PDE4D: variants seen among roughly 807,000 people sequenced by gnomAD.
PDE4D encodes the protein phosphodiesterase 4D.
Under a neutral mutation model 87.4 loss-of-function variants are expected in PDE4D, and 24 were observed. The ratio of observed to expected loss-of-function variants is 0.27; its 90% confidence interval spans 0.20 to 0.39. The LOEUF (loss-of-function observed/expected upper bound fraction) is 0.39, where lower values mean the gene tolerates loss of function less well. Ranked by LOEUF, PDE4D falls within the 10% of genes least tolerant of loss-of-function variation. The pLI, the probability that PDE4D is intolerant of heterozygous loss-of-function variation, is 1.00. For missense variants in PDE4D, 714 were observed against 1,041.0 expected, an observed-to-expected ratio of 0.69 and a Z score of 4.32; for synonymous variants, 384 against 383.2, an observed-to-expected ratio of 1.00 and a Z score of -0.02.
chr5:60,002,899 CA>C (rs561420719), intron 2 of PDE4D, among the ~76,000 whole-genome samples: 120 of 152,058 alleles, frequency 7.9e-4, no homozygotes, highest in African/African-American at 2.7e-3. Flanking sequence ...CATTTGTGTT[CA>C]ACACAGTAAT....
At chr5:59,625,847 G>A (rs1226586067) in intron 1 of PDE4D, among the ~76,000 whole-genome samples, 2 of 152,224 alleles carry the variant, frequency 1.3e-5, no homozygotes, top group African/African-American at 4.8e-5. Context: ...TTGGGAGGCT[G>A]AGGCGGGCGG....
At chr5:60,334,580 C>T (rs1178362600) in intron 1 of PDE4D, among the ~76,000 whole-genome samples, 1 of 151,956 alleles carries the variant, frequency 6.6e-6, no homozygotes. Context: ...TCCTCTAATT[C>T]CCCAGTTATA....
At chr5:59,810,282 T>C (rs1465206347) in intron 1 of PDE4D, among the ~76,000 whole-genome samples, 2 of 152,222 alleles carry the variant, frequency 1.3e-5, no homozygotes, top group East Asian at 1.9e-4. Context: ...TTATTCATTA[T>C]GTACAAGAGC....
At chr5:59,978,692 A>C (rs973254111) in intron 3 of PDE4D, among the ~76,000 whole-genome samples, 6 of 152,186 alleles carry the variant, frequency 3.9e-5, no homozygotes, top group African/African-American at 1.4e-4. Context: ...ACTATGGGTA[A>C]AATGCTGTCA....
chr5:59,255,126 A>T (rs1292160618), intron 1 of PDE4D, among the ~76,000 whole-genome samples: 1 of 152,180 alleles, frequency 6.6e-6, no homozygotes, highest in Non-Finnish European at 1.5e-5. Flanking sequence ...TCATTGCAGC[A>T]CATTTCAAAA....
At chr5:60,460,564 T>C (rs1746845289) in intron 1 of PDE4D, 2 of 1,335,246 alleles carry the variant, frequency 1.5e-6, no homozygotes, top group Non-Finnish European at 1.1e-6. Flanking sequence ...GGCTTCTTCA[T>C]TAAGTCTGTC....
At chr5:59,373,852 C>G (rs1784316048) in intron 1 of PDE4D, among the ~76,000 whole-genome samples, 1 of 152,112 alleles carries the variant, frequency 6.6e-6, no homozygotes. Context: ...CTCTACAAGC[C>G]AGAAAAGATT....
At chr5:59,631,017 C>T (rs2150147098) in intron 1 of PDE4D, among the ~76,000 whole-genome samples, 1 of 152,146 alleles carries the variant, frequency 6.6e-6, no homozygotes, top group Admixed American at 6.5e-5. Context: ...TTGTGAAATG[C>T]AAAGTAAAAT....
Position 58,971,918 on chromosome 5 carries a change from CTG to C in PDE4D, c.*2744_*2745del, listed in dbSNP as rs753978593. 2 of 152,536 alleles carry C rather than the reference CTG, an allele frequency of 1.3e-5. No individual in the cohort carries two copies. The highest frequency in any genetic ancestry group is 2.9e-5 in the Non-Finnish European group (2 of 68,026). 9.4% of individuals were successfully genotyped at this position (152,536 alleles called of 1,614,324 possible). A position where few individuals can be genotyped will look rare whatever the true frequency, so the allele number is the denominator to read the frequency against. On this transcript the variant is annotated 3_prime_UTR_variant, in exon 15 of 15. Transcript: ENST00000340635. ...AGCAGATTGTACAGTGCATTAGTCC[CTG>C]TCTCTTGGATATTGAGCCTTTTCTG...
chr5:60,001,331 T>C (rs1763992725), intron 2 of PDE4D, among the ~76,000 whole-genome samples: 1 of 152,004 alleles, frequency 6.6e-6, no homozygotes, highest in African/African-American at 2.4e-5. Context: ...AACAAATAAA[T>C]AATATGGAAT....
At chr5:59,846,167 G>T (rs958854842) in intron 1 of PDE4D, among the ~76,000 whole-genome samples, 9 of 152,000 alleles carry the variant, frequency 5.9e-5, no homozygotes, top group African/African-American at 2.2e-4. Flanking sequence ...TAGATTATAT[G>T]CAAAACTGCC....
intron 1 of PDE4D, among the ~76,000 whole-genome samples, chr5:60,280,519 A>G (rs901307442): frequency 1.3e-5 from 2 of 152,180 alleles, no homozygotes; most frequent in Admixed American, 1.3e-4. Flanking sequence ...AGTCACTAAC[A>G]GTAGCTTAAA....
Position 59,021,906 on chromosome 5 carries a change from C to T in PDE4D, c.921+16953G>A, listed in dbSNP as rs146755713. ...CTTTTCACCCCATTTCAGTTTGTACCTTGCTGTCTCAGAGCCCATCAACCA... is the reference window on the plus strand; with the variant it reads ...CTTTTCACCCCATTTCAGTTTGTACTTTGCTGTCTCAGAGCCCATCAACCA... On this transcript the variant is annotated intron_variant, in intron 6 of 14. Transcript: ENST00000340635. Among the ~76,000 whole-genome samples the T allele has an allele frequency of 1.7e-4, 26 of 152,214 alleles. No homozygotes were observed. The East Asian group carries it at 5.0e-3, about 29-fold the overall frequency.
chr5:59,569,188 C>T (rs1372308877), intron 1 of PDE4D, among the ~76,000 whole-genome samples: 1 of 152,262 alleles, frequency 6.6e-6, no homozygotes, highest in African/African-American at 2.4e-5. Flanking sequence ...ACATGTTAAC[C>T]TCTATCTCCA....
intron 1 of PDE4D, among the ~76,000 whole-genome samples, chr5:60,461,653 C>T (rs563246533): frequency 6.6e-6 from 1 of 152,314 alleles, no homozygotes; most frequent in African/African-American, 2.4e-5. Context: ...GTTTTCCTAC[C>T]TTCATGCTCA....
intron 1 of PDE4D, among the ~76,000 whole-genome samples, chr5:59,420,960 G>A (rs865889491): frequency 1.2e-4 from 19 of 152,188 alleles, no homozygotes; most frequent in African/African-American, 4.1e-4. Flanking sequence ...ATTTATTATC[G>A]CACAACTGAC....
At chr5:59,907,761 AC>A (rs1477828826) in intron 3 of PDE4D, among the ~76,000 whole-genome samples, 1 of 152,174 alleles carries the variant, frequency 6.6e-6, no homozygotes, top group African/African-American at 2.4e-5. Context: ...CCTAGAGTGG[AC>A]CAAGGAGATG....
At chr5:59,242,448 A>G (rs578215553) in intron 1 of PDE4D, among the ~76,000 whole-genome samples, 49 of 152,260 alleles carry the variant, frequency 3.2e-4, no homozygotes, top group South Asian at 1.2e-3. Flanking sequence ...TCTCAACTCA[A>G]TTTCAACTCC....
At chr5:60,040,676 T>C (rs1012926233) in intron 2 of PDE4D, among the ~76,000 whole-genome samples, 1 of 152,188 alleles carries the variant, frequency 6.6e-6, no homozygotes, top group Non-Finnish European at 1.5e-5. Flanking sequence ...ACAGTTAATA[T>C]TAGGTGTATG....
Sources: allele counts gnomAD v4.1 joint callset (sites outside exome capture counted in the v4.1 genomes callset), GRCh38; gene constraint gnomAD v4.1.1; transcripts MANE v1.5; gene names NCBI Gene and HGNC (gene_info 2026-07-23, HGNC 2026-07-21).